Variants in GSPT1 observed in about 807,000 individuals in gnomAD.
GSPT1 encodes the protein eukaryotic peptide chain release factor GTP-binding subunit ERF3A.
In GSPT1, 20 loss-of-function variants were observed where a neutral mutation model predicts 72.5. The ratio of observed to expected loss-of-function variants is 0.28; its 90% CI spans 0.19 to 0.40. The LOEUF (loss-of-function observed/expected upper bound fraction) is 0.40. Among genes scored for constraint, GSPT1 ranks in the 10% least tolerant of loss-of-function variants. The pLI is 1.00. For synonymous variants in GSPT1, 334 were observed against 293.5 expected (o/e 1.14, Z -1.41); for missense variants, 580 against 811.9 (o/e 0.71, Z 3.47).
intron 11 of GSPT1, among the ~76,000 whole-genome samples, chr16:11,878,793 C>T (rs1353053906): frequency 6.6e-6 from 1 of 151,946 alleles, no homozygotes; most frequent in Non-Finnish European, 1.5e-5. Flanking sequence ...GCTATGCAGG[C>T]CAGGTGCAGT....
At chr16:11,890,290 G>T (rs115844068) in intron 6 of GSPT1, among the ~76,000 whole-genome samples, 188 of 152,218 alleles carry the variant, frequency 1.2e-3, no homozygotes, top group African/African-American at 4.5e-3. Context: ...AAAAATAACT[G>T]TCCTCAGATA....
chr16:11,879,990 A>C (rs1031672009), intron 11 of GSPT1, among the ~76,000 whole-genome samples: 3 of 152,178 alleles, frequency 2.0e-5, no homozygotes, highest in Non-Finnish European at 2.9e-5. Flanking sequence ...TATCTTGCAA[A>C]ACTGAAACTC....
chr16:11,916,276 TG>T (rs112641264), upstream of GSPT1, among the ~76,000 whole-genome samples: 1,931 of 152,050 alleles, frequency 0.013, 41 homozygotes, highest in African/African-American at 0.044. Context: ...TGTCACCTGG[TG>T]GGGGGGCAGC....
intron 11 of GSPT1, among the ~76,000 whole-genome samples, chr16:11,879,287 C>T (rs34677453): frequency 3.3e-5 from 5 of 150,488 alleles, no homozygotes; most frequent in Non-Finnish European, 5.9e-5. Flanking sequence ...CCCAGCTACT[C>T]GGGAGGCTGA....
upstream of GSPT1, among the ~76,000 whole-genome samples, chr16:11,916,509 C>T (rs467106): frequency 0.97 from 147,977 of 152,330 alleles, 71,982 homozygotes; most frequent in East Asian, 1. Context: ...CTTATTCTCT[C>T]TCCACCTTCT....
chr16:11,895,663 T>A (rs1211206637), intron 4 of GSPT1: 1 of 151,984 alleles, frequency 6.6e-6, no homozygotes, highest in Non-Finnish European at 1.5e-5. Context: ...TCTTGCTCCG[T>A]TGCCCAGAGC....
intron 1 of GSPT1, among the ~76,000 whole-genome samples, chr16:11,907,075 A>G (rs983746676): frequency 2.6e-5 from 4 of 152,252 alleles, no homozygotes; most frequent in African/African-American, 9.6e-5. Flanking sequence ...GAGCTGTTTT[A>G]AAGTATTTTA....
intron 5 of GSPT1, among the ~76,000 whole-genome samples, chr16:11,893,089 G>A (rs1278777098): frequency 6.6e-6 from 1 of 151,228 alleles, no homozygotes; most frequent in Non-Finnish European, 1.5e-5. Context: ...TTTTGTTTTT[G>A]TTTGTTTTTT....
At chr16:11,892,531 A>AAAATAAAAAAAT (rs1567443313) in intron 5 of GSPT1, among the ~76,000 whole-genome samples, 21 of 139,858 alleles carry the variant, frequency 1.5e-4, no homozygotes, top group African/African-American at 5.1e-4. Context: ...AACAAAAAAA[A>AAAATAAAAAAAT]CAAAAAATAA....
chr16:11,873,650 C>T (rs540738600), intron 14 of GSPT1, among the ~76,000 whole-genome samples: 19 of 152,124 alleles, frequency 1.2e-4, no homozygotes, highest in Middle Eastern at 6.8e-3. Flanking sequence ...TGCAGTGGTG[C>T]GACTTCAGCT....
rs764512858 is a variant in GSPT1 at position 11,915,394 on chromosome 16, G to C, written c.327C>G (p.Ala109=). 3 of 1,500,920 alleles carry C rather than the reference G, an allele frequency of 2.0e-6. No individual in the cohort carries two copies. Among genetic ancestry groups the C allele is most frequent in the East Asian group, 2.8e-5 (1 of 35,326 alleles). 93.0% of individuals were successfully genotyped at this position (1,500,920 alleles called of 1,614,324 possible). A position where few individuals can be genotyped will look rare whatever the true frequency, so the allele number is the denominator to read the frequency against. ...PVGGAANNHG[A]GSGAGGRAAP... is the part of the protein sequence containing the mutation. ...CCGCACGGCCTCCCGCGCCGCTGCC[G>C]GCTCCGTGGTTATTGGCGGCGCCGC... Residue 109 remains alanine (A), a synonymous_variant, in exon 1 of 15, where the codon GCC becomes GCG. Transcript: ENST00000434724.
At chr16:11,907,681 G>T (rs1303922379) in intron 1 of GSPT1, among the ~76,000 whole-genome samples, 1 of 152,132 alleles carries the variant, frequency 6.6e-6, no homozygotes, top group Admixed American at 6.5e-5. Flanking sequence ...CTGCATTCTA[G>T]ACTCAATGGT....
intron 1 of GSPT1, among the ~76,000 whole-genome samples, chr16:11,905,292 A>C (rs1392184383): frequency 6.6e-6 from 1 of 152,192 alleles, no homozygotes; most frequent in African/African-American, 2.4e-5. Flanking sequence ...TGTGGTTATT[A>C]AGCGCTGGAA....
At chr16:11,892,768 G>A (rs2054283433) in intron 5 of GSPT1, among the ~76,000 whole-genome samples, 1 of 124,718 alleles carries the variant, frequency 8.0e-6, no homozygotes. Context: ...GGCGGAGGTT[G>A]CAGTGAGCCA....
chr16:11,904,951 G>A (rs1354799991), intron 1 of GSPT1, among the ~76,000 whole-genome samples: 1 of 152,182 alleles, frequency 6.6e-6, no homozygotes, highest in Non-Finnish European at 1.5e-5. Context: ...CGGGTATAGT[G>A]GCACAGGCCT....
intron 7 of GSPT1, 73 bp downstream of exon 7, chr16:11,887,497 G>A: frequency 1.6e-6 from 2 of 1,242,684 alleles, no homozygotes; most frequent in Admixed American, 2.0e-5. Context: ...GCTTTTAGAA[G>A]ATAAATTCAA....
At chr16:11,880,519 A>C (rs1172951102) in intron 11 of GSPT1, among the ~76,000 whole-genome samples, 2 of 152,204 alleles carry the variant, frequency 1.3e-5, no homozygotes, top group African/African-American at 4.8e-5. Context: ...TTGAGATGGG[A>C]TCTCACACAT....
chr16:11,911,902 TCTCA>T (rs1406225154), intron 1 of GSPT1, among the ~76,000 whole-genome samples: 1 of 119,886 alleles, frequency 8.3e-6, no homozygotes. Context: ...AGGGTCTCAG[TCTCA>T]CTATGTTTTA....
chr16:11,870,353 T>C lies in GSPT1; in HGVS notation c.*2766A>G, dbSNP rs577624171. 3.9e-4 allele frequency: 60 copies of C among 152,346 alleles called. No individual in the cohort carries two copies. Among genetic ancestry groups the C allele is most frequent in the African/African-American group, 1.4e-3 (59 of 41,582 alleles). 9.4% of individuals were successfully genotyped at this position (152,346 alleles called of 1,614,324 possible). ...TTATTTCAATATTTCTTAAATTCAC[T>C]TTATTAATTTAAAAAACTAAATAAT... On this transcript the variant is annotated 3_prime_UTR_variant, in exon 15 of 15. Coordinates refer to ENST00000434724, the MANE Select transcript of GSPT1 (RefSeq NM_002094.4).
Sources: gnomAD v4.1 joint callset for allele counts (sites outside exome capture counted in the v4.1 genomes callset) on GRCh38, gnomAD v4.1.1 for gene constraint, MANE v1.5 for transcripts, NCBI Gene and HGNC (gene_info 2026-07-23, HGNC 2026-07-21) for gene names.